The following NCAN variants were observed in gnomAD, a reference collection of about 807,000 sequenced individuals.
NCAN encodes the protein neurocan.
A neutral mutation model predicts 121.8 loss-of-function variants in NCAN; 47 were observed. The ratio of observed to expected loss-of-function variants is 0.39; its 90% CI spans 0.31 to 0.49. The LOEUF is 0.49. Among genes scored for constraint, NCAN ranks in the 20% least tolerant of loss-of-function variants. The pLI is 0.92. For synonymous variants in NCAN, 633 were observed against 702.0 expected (o/e 0.90, Z 1.55); for missense variants, 1,517 against 1,773.4 (o/e 0.86, Z 2.60).
chr19:19,230,388 A>AC (rs1379274960), intron 8 of NCAN, among the ~76,000 whole-genome samples: 1 of 112,776 alleles, frequency 8.9e-6, no homozygotes, highest in African/African-American at 3.4e-5. Flanking sequence ...TAACTACCGC[A>AC]CCCCCCACCC....
intron 12 of NCAN, among the ~76,000 whole-genome samples, chr19:19,243,515 CAAAAAAA>C (rs781710638): frequency 6.8e-4 from 29 of 42,692 alleles, no homozygotes; most frequent in Middle Eastern, 9.4e-3. Flanking sequence ...GACTCCATCT[CAAAAAAA>C]AAAAAAAAAA....
chr19:19,234,140 T>C (rs1450165303), intron 9 of NCAN, among the ~76,000 whole-genome samples: 1 of 152,136 alleles, frequency 6.6e-6, no homozygotes, highest in Non-Finnish European at 1.5e-5. Flanking sequence ...CAGTCAGAGG[T>C]GGGAAGGAAA....
rs1288687478 is a variant in NCAN at position 19,226,948 on chromosome 19, C to T, written c.1535C>T (p.Thr512Ile). The T allele has an allele frequency of 1.3e-6, 2 of 1,569,558 alleles. No homozygotes were observed. The highest frequency in any genetic ancestry group is 3.7e-5 in the Admixed American group (2 of 53,948). The change falls in exon 7 of 15, where the codon ACC becomes ATC. Residue 512 changes from threonine (T) to isoleucine (I), a missense_variant. By Grantham distance (89) the Thr-to-Ile change is moderately conservative (BLOSUM62 -1). Transcript: ENST00000252575. Reference protein sequence around the residue: ...GGMEASAQPPTSEAAVNQMEP... With the variant: ...GGMEASAQPPISEAAVNQMEP... ...ATGGAGGCCAGCGCCCAGCCCCCCA[C>T]CTCAGAGGCTGCAGTGAACCAAATG... is the stretch of plus-strand genomic sequence containing the variant.
chr19:19,240,857 T>C (rs2060900895), intron 12 of NCAN, among the ~76,000 whole-genome samples, 172 bp downstream of exon 12: 1 of 152,194 alleles, frequency 6.6e-6, no homozygotes. Flanking sequence ...CCTTCTCCCC[T>C]GACTTCCCCA....
rs1415324125 is a variant in NCAN at position 19,228,737 on chromosome 19, T to C, written c.3019+98T>C. On this transcript the variant is annotated intron_variant, in intron 8 of 14. Coordinates refer to ENST00000252575, the MANE Select transcript of NCAN (RefSeq NM_004386.3). ...CAGAGCAGGGAGGAATGGTTGTCCC[T>C]GGGGATCTGGAAGCTTTCTAGTGGG... The C allele has an allele frequency of 1.0e-5, 14 of 1,369,832 alleles. No homozygotes were observed. In the East Asian group the frequency reaches 3.4e-4, roughly 33 times the overall value. The allele number at this position is 1,369,832 out of a possible 1,614,324, so 84.9% of individuals were successfully genotyped here.
Position 19,228,431 on chromosome 19 carries a change from T to G in NCAN, c.2811T>G (p.Ser937Arg). Residue 937 changes from serine (S) to arginine (R), a missense_variant, in exon 8 of 15, where the codon AGT becomes AGG. Ser to Arg is a moderately radical substitution (Grantham distance 110, BLOSUM62 -1). Transcript: ENST00000252575. Reference protein sequence around the residue: ...AVPPGTPTAASVGESASVSSG... With the variant: ...AVPPGTPTAARVGESASVSSG... ...CTCCTGGGACACCGACTGCAGCCAG[T>G]GTGGGCGAGTCTGCCTCAGTTTCCT... 3.1e-6 allele frequency: 5 copies of G among 1,613,606 alleles called. No individual in the cohort carries two copies. Among genetic ancestry groups the G allele is most frequent in the Non-Finnish European group, 3.4e-6 (4 of 1,179,986 alleles).
chr19:19,238,664 C>T, intron 11 of NCAN: 1 of 528,922 alleles, frequency 1.9e-6, no homozygotes, highest in Non-Finnish European at 3.4e-6. Flanking sequence ...AGGCACCATT[C>T]CAGGAATATT....
At chr19:19,243,672 G>C (rs2060912614) in intron 12 of NCAN, among the ~76,000 whole-genome samples, 1 of 151,772 alleles carries the variant, frequency 6.6e-6, no homozygotes, top group Non-Finnish European at 1.5e-5. Context: ...CTGCAATCCA[G>C]CCTGGATAAT....
chr19:19,239,574 T>TC (rs2060894869), intron 11 of NCAN, among the ~76,000 whole-genome samples: 1 of 75,588 alleles, frequency 1.3e-5, no homozygotes, highest in Non-Finnish European at 2.5e-5. Context: ...CCATCCTCCC[T>TC]CCCCTCCTCC....
intron 2 of NCAN, among the ~76,000 whole-genome samples, chr19:19,218,542 G>C (rs1481339917): frequency 6.6e-6 from 1 of 151,412 alleles, no homozygotes; most frequent in Non-Finnish European, 1.5e-5. Context: ...GTGCGACCTT[G>C]GCTCACCGCA....
intron 10 of NCAN, among the ~76,000 whole-genome samples, chr19:19,237,193 A>C (rs1485657831): frequency 6.6e-6 from 1 of 151,962 alleles, no homozygotes; most frequent in Non-Finnish European, 1.5e-5. Context: ...ACAGGCATGA[A>C]CCACCATCCT....
chr19:19,230,275 C>T (rs1305740004), intron 8 of NCAN, among the ~76,000 whole-genome samples: 1 of 152,016 alleles, frequency 6.6e-6, no homozygotes, highest in Non-Finnish European at 1.5e-5. Flanking sequence ...GAACTCCTGA[C>T]CTCAGGTGAT....
intron 5 of NCAN, 43 bp downstream of exon 5, chr19:19,224,476 T>G: frequency 6.3e-7 from 1 of 1,597,668 alleles, no homozygotes; most frequent in African/African-American, 1.3e-5. Context: ...CGCCTCTCTT[T>G]GAGTATCTAT....
At chr19:19,215,326 C>T (rs181965392) in intron 1 of NCAN, among the ~76,000 whole-genome samples, 16 of 152,280 alleles carry the variant, frequency 1.1e-4, no homozygotes, top group African/African-American at 2.4e-4. Context: ...TTTCCATCTG[C>T]GCCCACCTCC....
At chr19:19,229,123 G>A (rs774899335) in intron 8 of NCAN, among the ~76,000 whole-genome samples, 2 of 152,320 alleles carry the variant, frequency 1.3e-5, no homozygotes, top group East Asian at 1.9e-4. Context: ...CATAAGAATC[G>A]CTTGAACCCG....
rs1368138164 is a variant in NCAN at position 19,227,258 on chromosome 19, T to C, written c.1661-23T>C. 1 of 1,525,746 alleles carries C rather than the reference T, an allele frequency of 6.6e-7. No homozygotes were observed. Among genetic ancestry groups the C allele is most frequent in the Middle Eastern group, 1.8e-4 (1 of 5,628 alleles). The allele number at this position is 1,525,746 out of a possible 1,614,324, so 94.5% of individuals were successfully genotyped here. A position where few individuals can be genotyped will look rare whatever the true frequency, so the allele number is the denominator to read the frequency against. ...AGGGGCTGCTGAGAGATCATTGTAA[T>C]GATTGCCTTGATGTTGTTGCAGGTT... is the stretch of plus-strand genomic sequence containing the variant. On this transcript the variant is annotated intron_variant, in intron 7 of 14. Coordinates refer to ENST00000252575, the MANE Select transcript of NCAN (RefSeq NM_004386.3). This position sits in a 1 kb window ranked among gnomAD's most constrained non-coding sequence, Gnocchi z 4.2.
Position 19,248,866 on chromosome 19 carries a change from A to G in NCAN, c.3804A>G (p.Gln1268=), listed in dbSNP as rs771551055. ...GCAATGGCAAGTGGGACAGGCCCCA[A>G]ATTGTCTGCACCAAACGTAAGTAGC... ...CRSNGKWDRP[Q]IVCTKPRRSH... Residue 1268 remains glutamine, a synonymous_variant, in exon 14 of 15, where the codon CAA becomes CAG. Transcript: ENST00000252575. 6 of 1,614,104 alleles carry G rather than the reference A, an allele frequency of 3.7e-6. No individual in the cohort carries two copies. Among genetic ancestry groups the G allele is most frequent in the South Asian group, 1.1e-5 (1 of 91,084 alleles).
At chr19:19,248,625 AAACAACAAC>A (rs1051775973) in intron 13 of NCAN, 66 bp from the exon 14 acceptor site, 29 of 1,459,450 alleles carry the variant, frequency 2.0e-5, no homozygotes, top group Non-Finnish European at 2.5e-5. Flanking sequence ...ACTCTGTCTC[AAACAACAAC>A]AACAACAACA....
At position 19,226,879 on chromosome 19, in the gene NCAN, G is replaced by A. The variant is rs1430547374; in HGVS notation, c.1466G>A (p.Arg489His). Reference sequence around the variant, plus strand: ...GGGCGCTTCAAAGGGTTGAATGGGCGCTACTTCCAGCAGCAGGAACCGGAG... The same window carrying A: ...GGGCGCTTCAAAGGGTTGAATGGGCACTACTTCCAGCAGCAGGAACCGGAG... ...RRGRFKGLNG[R>H]YFQQQEPEPG... Residue 489 changes from arginine (R) to histidine (H), a missense_variant, in exon 7 of 15, where the codon CGC (arginine) becomes CAC (histidine). Arg to His is a conservative substitution (Grantham distance 29). Coordinates refer to ENST00000252575, the MANE Select transcript of NCAN (RefSeq NM_004386.3). 3.1e-6 allele frequency: 5 copies of A among 1,611,198 alleles called. No homozygotes were observed. Among genetic ancestry groups the A allele is most frequent in the South Asian group, 2.2e-5 (2 of 90,972 alleles).
Sources: allele counts gnomAD v4.1 joint callset (sites outside exome capture counted in the v4.1 genomes callset), GRCh38; gene constraint gnomAD v4.1.1; non-coding constraint Gnocchi (gnomAD v3.1); transcripts MANE v1.5; gene names NCBI Gene and HGNC (gene_info 2026-07-23, HGNC 2026-07-21).